The following SIN3A variants were observed in gnomAD, a reference collection of about 807,000 sequenced individuals.
SIN3A encodes paired amphipathic helix protein Sin3a.
SIN3A carries 14 observed loss-of-function variants against 146.1 expected under a neutral mutation model. The observed-to-expected ratio is 0.10, with a 90% CI of 0.06 to 0.15. The LOEUF (loss-of-function observed/expected upper bound fraction) is 0.15, where lower values mean the gene tolerates loss of function less well. Ranked by LOEUF, SIN3A falls within the 10% of genes least tolerant of loss-of-function variation. The probability of loss-of-function intolerance (pLI) is 1.00; values close to 1 mark genes in which losing one functional copy is unlikely to be tolerated. For missense variants in SIN3A, 1,028 were observed against 1,576.0 expected (o/e 0.65, Z 5.89); for synonymous variants, 572 against 572.0 (o/e 1.00, Z 0.00).
chr15:75,445,794 A>G (rs1271715033), intron 1 of SIN3A, among the ~76,000 whole-genome samples: 2 of 152,058 alleles, frequency 1.3e-5, no homozygotes, highest in African/African-American at 4.8e-5. Context: ...AAGAAAAGAA[A>G]ATAGAGCATT....
Position 75,392,701 on chromosome 15 carries a change from C to T in SIN3A, c.2392G>A (p.Val798Met). 1 of 1,614,196 alleles carries T rather than the reference C, an allele frequency of 6.2e-7. No individual in the cohort carries two copies. Among genetic ancestry groups the T allele is most frequent in the Non-Finnish European group, 8.5e-7 (1 of 1,180,022 alleles). ...EDAAALIIHH[V>M]KRQTGIQKED... Reference sequence around the variant, plus strand: ...TTCTGAATGCCTGTCTGCCTCTTCACATGGTGGATAATCAGAGCAGCAGCA... The same window carrying T: ...TTCTGAATGCCTGTCTGCCTCTTCATATGGTGGATAATCAGAGCAGCAGCA... Residue 798 changes from valine to methionine, a missense_variant, in exon 15 of 21, where the codon GTG (valine) becomes ATG (methionine). Physicochemically the swap from Val to Met is conservative, Grantham distance 21 (BLOSUM62 1). Coordinates refer to ENST00000394947, the MANE Select transcript of SIN3A (RefSeq NM_001145358.2).
At chr15:75,403,373 T>G (rs2073448768) in intron 9 of SIN3A, among the ~76,000 whole-genome samples, 1 of 149,088 alleles carries the variant, frequency 6.7e-6, no homozygotes, top group Non-Finnish European at 1.5e-5. Context: ...GAGGTTGCAG[T>G]GAGCCAAGAT....
intron 3 of SIN3A, among the ~76,000 whole-genome samples, chr15:75,418,434 T>C (rs2073781733): frequency 1.3e-5 from 2 of 152,042 alleles, no homozygotes; most frequent in African/African-American, 4.8e-5. Context: ...CAAGCGATTC[T>C]CGTGCCTCAG....
chr15:75,432,296 T>C (rs2074025795), intron 1 of SIN3A, among the ~76,000 whole-genome samples: 1 of 152,200 alleles, frequency 6.6e-6, no homozygotes, highest in Non-Finnish European at 1.5e-5. Context: ...ATTTCTTATA[T>C]ACGTTCATGA....
chr15:75,413,390 G>A (rs1567372526), intron 4 of SIN3A, among the ~76,000 whole-genome samples: 1 of 152,080 alleles, frequency 6.6e-6, no homozygotes, highest in Non-Finnish European at 1.5e-5. Context: ...CAAAGTGCTG[G>A]GATTACAGGC....
At chr15:75,383,845 G>A (rs2073030223) in intron 17 of SIN3A, among the ~76,000 whole-genome samples, 1 of 152,012 alleles carries the variant, frequency 6.6e-6, no homozygotes, top group African/African-American at 2.4e-5. Context: ...GCCCAAGCTG[G>A]TCTCAAGTGA....
intron 8 of SIN3A, among the ~76,000 whole-genome samples, chr15:75,408,169 C>A (rs541038184): frequency 6.6e-6 from 1 of 152,132 alleles, no homozygotes; most frequent in Non-Finnish European, 1.5e-5. Flanking sequence ...TTTTAAGCCC[C>A]CACTATATTC....
At chr15:75,433,027 C>T (rs900054584) in intron 1 of SIN3A, among the ~76,000 whole-genome samples, 15 of 152,012 alleles carry the variant, frequency 9.9e-5, no homozygotes, top group Middle Eastern at 3.4e-3. Context: ...GGGGACAGCG[C>T]GACTGTCTCA....
At chr15:75,385,357 C>T (rs2073058139) in intron 16 of SIN3A, among the ~76,000 whole-genome samples, 1 of 152,190 alleles carries the variant, frequency 6.6e-6, no homozygotes, top group Non-Finnish European at 1.5e-5. Flanking sequence ...AAACACATCA[C>T]CTATTTTTCT....
rs1456328925 is a variant in SIN3A, at chr15:75,403,676, G to T, written c.1408-1706C>A. ...CTGCCTCGGCCTCCCGAGTAGCTGG[G>T]ATTATAGGCACCTGCCACAACGCCC... On this transcript the variant is annotated intron_variant, in intron 9 of 20. Transcript: ENST00000394947. 3.3e-5 allele frequency among the ~76,000 whole-genome samples: 5 copies of T among 151,870 alleles called. No individual in the cohort carries two copies. In the East Asian group the frequency reaches 9.8e-4, roughly 30 times the overall value.
chr15:75,426,178 A>G (rs1020237422), intron 2 of SIN3A, among the ~76,000 whole-genome samples: 1 of 152,202 alleles, frequency 6.6e-6, no homozygotes, highest in South Asian at 2.1e-4. Context: ...TTAGATAATG[A>G]AAGTAATCAC....
At chr15:75,379,371 C>A (rs1272487057) in intron 19 of SIN3A, among the ~76,000 whole-genome samples, 1 of 152,124 alleles carries the variant, frequency 6.6e-6, no homozygotes, top group Non-Finnish European at 1.5e-5. Flanking sequence ...AGCTGTCAGA[C>A]AAATCATTAG....
chr15:75,401,613 T>G (rs2073413587), intron 10 of SIN3A, among the ~76,000 whole-genome samples: 1 of 152,158 alleles, frequency 6.6e-6, no homozygotes, highest in Non-Finnish European at 1.5e-5. Context: ...CATCCAGCAC[T>G]GGTTAGAAGA....
chr15:75,449,770 G>A (rs2074369872), intron 1 of SIN3A, among the ~76,000 whole-genome samples: 1 of 152,198 alleles, frequency 6.6e-6, no homozygotes, highest in African/African-American at 2.4e-5. Context: ...AAATTCTTTA[G>A]GAAACCAAGT....
At chr15:75,383,399 A>C (rs2073013014) in intron 17 of SIN3A, among the ~76,000 whole-genome samples, 1 of 152,162 alleles carries the variant, frequency 6.6e-6, no homozygotes, top group Non-Finnish European at 1.5e-5. Flanking sequence ...AAGAATTCTA[A>C]GGTGACTTTT....
intron 1 of SIN3A, among the ~76,000 whole-genome samples, chr15:75,437,497 C>T (rs927758050): frequency 6.6e-6 from 1 of 152,070 alleles, no homozygotes; most frequent in Non-Finnish European, 1.5e-5. Context: ...GAAACTGATA[C>T]TCAAATTAAA....
intron 9 of SIN3A, among the ~76,000 whole-genome samples, chr15:75,404,626 G>C (rs1214042694): frequency 6.6e-6 from 1 of 151,944 alleles, no homozygotes; most frequent in African/African-American, 2.4e-5. Context: ...TGGGTGTGGT[G>C]GTGGGCGCCT....
chr15:75,455,141 A>G (rs1398525701), upstream of SIN3A: 2 of 133,818 alleles, frequency 1.5e-5, no homozygotes, highest in African/African-American at 5.6e-5. Flanking sequence ...GAGCGCGCCC[A>G]CCGCCCCCTC....
intron 1 of SIN3A, among the ~76,000 whole-genome samples, chr15:75,431,523 C>A (rs191402492): frequency 2.3e-3 from 357 of 152,138 alleles, no homozygotes; most frequent in Middle Eastern, 0.01. Context: ...AGAAAAAAGG[C>A]CCCACCACTT....
Sources: allele counts gnomAD v4.1 joint callset (sites outside exome capture counted in the v4.1 genomes callset), GRCh38; gene constraint gnomAD v4.1.1; transcripts MANE v1.5; gene names NCBI Gene and HGNC (gene_info 2026-07-23, HGNC 2026-07-21).